The following ATP9A variants were observed in gnomAD, a reference collection of about 807,000 sequenced individuals.
ATP9A encodes the protein ATPase phospholipid transporting 9A.
In ATP9A, 52 loss-of-function variants were observed where a neutral mutation model predicts 144.1. The ratio of observed to expected loss-of-function variants is 0.36; its 90% CI spans 0.29 to 0.45. The LOEUF (loss-of-function observed/expected upper bound fraction) is 0.45, where lower values mean the gene tolerates loss of function less well. ATP9A is among the 20% of genes least tolerant of loss of function. The pLI, the probability that ATP9A is intolerant of heterozygous loss-of-function variation, is 1.00. For missense variants in ATP9A, 947 were observed against 1,392.7 expected (o/e 0.68, Z 5.09); for synonymous variants, 582 against 557.4 (o/e 1.04, Z -0.62).
rs140658970 is a variant in ATP9A, at chr20:51,673,353, G to A, written c.1037+800C>T. Among the ~76,000 whole-genome samples, 766 of 151,998 alleles carry A rather than the reference G, an allele frequency of 5.0e-3. 7 individuals carry two copies. The highest frequency in any genetic ancestry group is 0.024 in the South Asian group (117 of 4,800). ...CGCACCACTGCACTCCAGCCTGGGCGACAGAGCAAGACTCCATCTCAAAAA... is the reference window on the plus strand; with the variant it reads ...CGCACCACTGCACTCCAGCCTGGGCAACAGAGCAAGACTCCATCTCAAAAA... On this transcript the variant is annotated intron_variant, in intron 11 of 27. Coordinates refer to ENST00000338821, the MANE Select transcript of ATP9A (RefSeq NM_006045.3).
At chr20:51,613,965 C>A (rs1325356569) in intron 22 of ATP9A, 133 bp from the exon 23 acceptor site, 1 of 940,544 alleles carries the variant, frequency 1.1e-6, no homozygotes, top group Non-Finnish European at 1.5e-6. Flanking sequence ...TGGTTTCAAG[C>A]TATATGCAGT....
At chr20:51,609,959 T>C in intron 24 of ATP9A, 142 bp downstream of exon 24, 6 of 685,710 alleles carry the variant, frequency 8.8e-6, no homozygotes, top group South Asian at 1.8e-5. Context: ...TTCTAAACCA[T>C]GGTGCTGGGC....
Position 51,725,099 on chromosome 20 carries a change from T to A in ATP9A, c.327+720A>T, listed in dbSNP as rs191209177. ...GTGCTCAAAAGTTTTAGATTTTACA[T>A]TTATTTATTTGGAATTTTTTTGTTT... On this transcript the variant is annotated intron_variant, in intron 3 of 27. Transcript: ENST00000338821. Among the ~76,000 whole-genome samples the A allele has an allele frequency of 7.9e-5, 12 of 151,310 alleles. No individual in the cohort carries two copies. In the East Asian group the frequency reaches 2.1e-3, roughly 27 times the overall value.
intron 9 of ATP9A, among the ~76,000 whole-genome samples, chr20:51,683,561 C>A (rs1006773148): frequency 6.6e-6 from 1 of 152,120 alleles, no homozygotes; most frequent in African/African-American, 2.4e-5. Context: ...GGATTATAGG[C>A]GTGAGCCACC....
At chr20:51,709,269 C>G (rs2122844961) in intron 4 of ATP9A, among the ~76,000 whole-genome samples, 1 of 152,242 alleles carries the variant, frequency 6.6e-6, no homozygotes, top group African/African-American at 2.4e-5. Context: ...AATCCCAACA[C>G]TTTGGGAGGC....
intron 1 of ATP9A, among the ~76,000 whole-genome samples, chr20:51,759,218 T>A (rs1206904262): frequency 6.6e-6 from 1 of 152,194 alleles, no homozygotes; most frequent in Non-Finnish European, 1.5e-5. Context: ...AAAGAGCTGT[T>A]GGTGCAACTC....
At chr20:51,663,723 G>A (rs544403140) in intron 13 of ATP9A, among the ~76,000 whole-genome samples, 3 of 150,932 alleles carry the variant, frequency 2.0e-5, no homozygotes, top group South Asian at 2.1e-4. Context: ...GAACCCGGGA[G>A]GTGGAGCTTG....
In ATP9A at chr20:51,768,377, GC is replaced by G; in HGVS notation, c.-9del. On this transcript the variant is annotated 5_prime_UTR_variant, in exon 1 of 28. Coordinates refer to ENST00000338821, the MANE Select transcript of ATP9A (RefSeq NM_006045.3). ...CGGGATGTTGTCCGTCATGTCGGCG[GC>G]GCCGCCCGCCTTGGCCGCCGCGCCC... is the stretch of plus-strand genomic sequence containing the variant. The G allele has an allele frequency of 4.2e-6, 5 of 1,191,006 alleles. No individual in the cohort carries two copies. The highest frequency in any genetic ancestry group is 5.2e-6 in the Non-Finnish European group (5 of 957,406). 73.8% of individuals were successfully genotyped at this position (1,191,006 alleles called of 1,614,324 possible).
chr20:51,754,253 G>C (rs1049846504), intron 1 of ATP9A, among the ~76,000 whole-genome samples: 1 of 152,124 alleles, frequency 6.6e-6, no homozygotes, highest in Admixed American at 6.5e-5. Flanking sequence ...TGTAATCCCA[G>C]CACTTTGGGA....
chr20:51,699,395 A>AACTC lies in ATP9A; in HGVS notation c.437-1917_437-1914dup, dbSNP rs2077584279. 3.3e-5 allele frequency among the ~76,000 whole-genome samples: 5 copies of AACTC among 151,774 alleles called. No individual in the cohort carries two copies. In the South Asian group the frequency reaches 1.0e-3, roughly 32 times the overall value. On this transcript the variant is annotated intron_variant, in intron 4 of 27. Coordinates refer to ENST00000338821, the MANE Select transcript of ATP9A (RefSeq NM_006045.3). ...AAGACACGAAATAATATAAGTGCAC[A>AACTC]ACTCTAGACTTTTAGTGTCTCACAT... is the stretch of plus-strand genomic sequence containing the variant.
At chr20:51,695,262 C>T (rs1318676131) in intron 6 of ATP9A, among the ~76,000 whole-genome samples, 2 of 151,898 alleles carry the variant, frequency 1.3e-5, no homozygotes, top group Non-Finnish European at 1.5e-5. Context: ...GCCAATGGAT[C>T]ACTTGAGGTC....
At position 51,621,815 on chromosome 20, in the gene ATP9A, A is replaced by T. The variant is rs1229716599; in HGVS notation, c.2115+259T>A. ...TGACTTTCATCAGCTTCTCAAAGGG[A>T]CCACGACCCCCAAAAGGTTAAGAGC... is the stretch of plus-strand genomic sequence containing the variant. On this transcript the variant is annotated intron_variant, in intron 19 of 27. Coordinates refer to ENST00000338821, the MANE Select transcript of ATP9A (RefSeq NM_006045.3). Among the ~76,000 whole-genome samples, 3 of 152,044 alleles carry T rather than the reference A, an allele frequency of 2.0e-5. No homozygotes were observed. In the East Asian group the frequency reaches 5.8e-4, roughly 29 times the overall value.
intron 22 of ATP9A, among the ~76,000 whole-genome samples, chr20:51,614,650 G>C (rs1204461871): frequency 6.6e-6 from 1 of 152,228 alleles, no homozygotes; most frequent in South Asian, 2.1e-4. Context: ...AAGGGACAGA[G>C]GGACATGAGA....
At chr20:51,747,337 G>A (rs551978360) in intron 1 of ATP9A, among the ~76,000 whole-genome samples, 1 of 152,190 alleles carries the variant, frequency 6.6e-6, no homozygotes, top group East Asian at 1.9e-4. Context: ...GAGGGAGGTA[G>A]GGAGCGATCT....
Position 51,614,389 on chromosome 20 carries a change from C to T in ATP9A, c.2416-557G>A, listed in dbSNP as rs57506965. On this transcript the variant is annotated intron_variant, in intron 22 of 27. Transcript: ENST00000338821. ...GATCTTGGCTTACAGCAACTTCTGC[C>T]TCCCAGGTTCAAGCCATCCTCCCAC... is the stretch of plus-strand genomic sequence containing the variant. Among the ~76,000 whole-genome samples the T allele has an allele frequency of 8.7e-3, 1,325 of 152,252 alleles. 21 individuals carry two copies. The highest frequency in any genetic ancestry group is 0.03 in the African/African-American group (1,266 of 41,534).
At chr20:51,613,970 T>C (rs2077193763) in intron 22 of ATP9A, 138 bp from the exon 23 acceptor site, 1 of 862,880 alleles carries the variant, frequency 1.2e-6, no homozygotes, top group Non-Finnish European at 1.7e-6. Context: ...TCAAGCTATA[T>C]GCAGTTGGTG....
chr20:51,629,022 GACC>G lies in ATP9A; in HGVS notation c.1716_1718del (p.Val573del), dbSNP rs1189471943. The G allele has an allele frequency of 1.2e-6, 2 of 1,613,974 alleles. No individual in the cohort carries two copies. The highest frequency in any genetic ancestry group is 1.7e-6 in the Non-Finnish European group (2 of 1,179,986). ...CATTGTACTGCACAATGCCAGCCATGACCACATCTGCTCCCTTCATGTAAAACG... is the reference window on the plus strand; with the variant it reads ...CATTGTACTGCACAATGCCAGCCATGACATCTGCTCCCTTCATGTAAAACG... On this transcript the variant is annotated inframe_deletion, in exon 16 of 28. Transcript: ENST00000338821.
In ATP9A at chr20:51,748,941, A is replaced by AGACC. The variant is rs2077819741; in HGVS notation, c.69-18964_69-18963insGGTC. Among the ~76,000 whole-genome samples, 5 of 139,250 alleles carry AGACC rather than the reference A, an allele frequency of 3.6e-5. No individual in the cohort carries two copies. In the Admixed American group the frequency reaches 3.6e-4, roughly 10 times the overall value. 91.4% of individuals were successfully genotyped at this position (139,250 alleles called of 152,430 possible). On this transcript the variant is annotated intron_variant, in intron 1 of 27. Transcript: ENST00000338821. ...TAGATAGATAGATAGATAGATAGAT[A>AGACC]GATAGATAGACAGACAGACAGACAG...
intron 17 of ATP9A, among the ~76,000 whole-genome samples, chr20:51,625,920 G>A (rs35936600): frequency 0.071 from 10,849 of 152,248 alleles, 788 homozygotes; most frequent in African/African-American, 0.19. Context: ...AGCATTGATC[G>A]GGGCTAAAAT....
Sources: allele counts gnomAD v4.1 joint callset (sites outside exome capture counted in the v4.1 genomes callset), GRCh38; gene constraint gnomAD v4.1.1; transcripts MANE v1.5; gene names NCBI Gene and HGNC (gene_info 2026-07-23, HGNC 2026-07-21).